The following FRYL variants were observed in gnomAD, a reference collection of about 807,000 sequenced individuals.
The protein encoded by FRYL is protein furry homolog-like.
FRYL carries 150 observed loss-of-function variants against 351.2 expected under a neutral mutation model. The ratio of observed to expected loss-of-function variants is 0.43; its 90% CI spans 0.37 to 0.49. The LOEUF is 0.49. FRYL is among the 20% of genes least tolerant of loss of function. The pLI is 0.00. For synonymous variants in FRYL, 1,153 were observed against 1,257.1 expected, an observed-to-expected ratio of 0.92 and a Z score of 1.75; for missense variants, 3,036 against 3,619.3, an observed-to-expected ratio of 0.84 and a Z score of 4.13.
intron 18 of FRYL, 57 bp downstream of exon 18, chr4:48,589,688 T>C: frequency 6.5e-7 from 1 of 1,547,198 alleles, no homozygotes; most frequent in Non-Finnish European, 8.8e-7. Context: ...GCAAGAACCA[T>C]CCACACTGTC....
intron 3 of FRYL, among the ~76,000 whole-genome samples, chr4:48,654,744 C>A (rs1758461919): frequency 6.6e-6 from 1 of 152,176 alleles, no homozygotes; most frequent in African/African-American, 2.4e-5. Flanking sequence ...AAACAAAATA[C>A]TACACATTTG....
chr4:48,703,167 T>C (rs1766952771), intron 2 of FRYL, among the ~76,000 whole-genome samples: 1 of 152,150 alleles, frequency 6.6e-6, no homozygotes, highest in East Asian at 1.9e-4. Flanking sequence ...AAGGAAGTGA[T>C]ATGAACAGAC....
At chr4:48,737,726 AAT>A (rs1197609580) in intron 1 of FRYL, among the ~76,000 whole-genome samples, 2 of 152,210 alleles carry the variant, frequency 1.3e-5, no homozygotes, top group African/African-American at 4.8e-5. Flanking sequence ...CCTTCAACAA[AAT>A]ATGAGTATAC....
chr4:48,545,050 A>T, intron 42 of FRYL, 146 bp from the exon 43 acceptor site: 1 of 709,098 alleles, frequency 1.4e-6, no homozygotes, highest in Non-Finnish European at 2.2e-6. Context: ...TAGGCACATG[A>T]ATATGTAATG....
chr4:48,544,507 C>T (rs996283175), intron 43 of FRYL, among the ~76,000 whole-genome samples: 1 of 151,954 alleles, frequency 6.6e-6, no homozygotes, highest in Non-Finnish European at 1.5e-5. Context: ...TATATACGTC[C>T]GTTTAATGTA....
intron 3 of FRYL, among the ~76,000 whole-genome samples, chr4:48,678,114 C>T (rs777506675): frequency 4.6e-5 from 7 of 151,976 alleles, no homozygotes; most frequent in Admixed American, 1.3e-4. Context: ...AGGTATTGGC[C>T]GGGTGCGGTG....
At chr4:48,561,404 C>A in intron 33 of FRYL, 64 bp downstream of exon 33, 1 of 1,077,244 alleles carries the variant, frequency 9.3e-7, no homozygotes, top group Non-Finnish European at 1.3e-6. Flanking sequence ...TTATAATTTT[C>A]TAAAAATTGT....
intron 4 of FRYL, among the ~76,000 whole-genome samples, chr4:48,628,463 T>TGTGTGTGTGTGTGTGTGTGTGTG (rs1578418587): frequency 6.6e-6 from 1 of 150,892 alleles, no homozygotes; most frequent in Non-Finnish European, 1.5e-5. Flanking sequence ...TGTGTGTGTG[T>TGTGTGTGTGTGTGTGTGTGTGTG]TTAAAGGTGA....
Position 48,542,239 on chromosome 4 carries a change from A to G in FRYL, c.5593-118T>C, listed in dbSNP as rs1578026535. 9.9e-6 allele frequency: 7 copies of G among 707,362 alleles called. No homozygotes were observed. In the East Asian group the frequency reaches 1.5e-4, roughly 16 times the overall value. 43.8% of individuals were successfully genotyped at this position (707,362 alleles called of 1,614,324 possible). ...CCATGTTATGTTACAAAATGATTAA[A>G]CTCTTGAGCAACATGATCTTGCTGA... On this transcript the variant is annotated intron_variant, in intron 44 of 63. Coordinates refer to ENST00000358350, the MANE Select transcript of FRYL (RefSeq NM_015030.2).
At chr4:48,645,481 CAT>C (rs930637144) in intron 3 of FRYL, among the ~76,000 whole-genome samples, 3 of 152,074 alleles carry the variant, frequency 2.0e-5, no homozygotes, top group African/African-American at 7.2e-5. Flanking sequence ...AATTGGCAAA[CAT>C]ATAAGAATTT....
chr4:48,721,488 C>T (rs1191565087), intron 1 of FRYL, among the ~76,000 whole-genome samples: 1 of 151,458 alleles, frequency 6.6e-6, no homozygotes, highest in Non-Finnish European at 1.5e-5. Context: ...TAGGGAGACC[C>T]CATCTCTATA....
chr4:48,599,966 C>A (rs562712127), intron 13 of FRYL, among the ~76,000 whole-genome samples: 2 of 151,610 alleles, frequency 1.3e-5, no homozygotes, highest in Non-Finnish European at 2.9e-5. Flanking sequence ...AATCAGCCGG[C>A]GGTGGTGGCA....
chr4:48,667,434 G>A (rs767042587), intron 3 of FRYL, among the ~76,000 whole-genome samples: 5 of 149,612 alleles, frequency 3.3e-5, no homozygotes, highest in African/African-American at 4.9e-5. Flanking sequence ...CCACCCCCTC[G>A]CTTTTTTTTT....
chr4:48,724,994 A>T (rs1769924441), intron 1 of FRYL, among the ~76,000 whole-genome samples: 1 of 152,250 alleles, frequency 6.6e-6, no homozygotes, highest in African/African-American at 2.4e-5. Flanking sequence ...GAGAAGCAAT[A>T]TTCAGATGAT....
chr4:48,683,269 G>C (rs1226893164), intron 3 of FRYL, among the ~76,000 whole-genome samples: 2 of 151,826 alleles, frequency 1.3e-5, no homozygotes, highest in Admixed American at 6.6e-5. Flanking sequence ...GGGCCTGTCA[G>C]GGGGTGGGGG....
intron 1 of FRYL, among the ~76,000 whole-genome samples, chr4:48,739,553 C>T (rs911858868): frequency 2.0e-5 from 3 of 151,584 alleles, no homozygotes; most frequent in African/African-American, 7.3e-5. Flanking sequence ...ACCTTAAACT[C>T]ACCACAAAAA....
At chr4:48,629,882 A>G (rs1752616071) in intron 4 of FRYL, among the ~76,000 whole-genome samples, 2 of 152,302 alleles carry the variant, frequency 1.3e-5, no homozygotes, top group Middle Eastern at 3.4e-3. Flanking sequence ...AAGCTTGTTT[A>G]AGAAAGATTT....
At chr4:48,603,476 A>T (rs1312558736) in intron 11 of FRYL, 88 bp from the exon 12 acceptor site, 1 of 867,794 alleles carries the variant, frequency 1.2e-6, no homozygotes, top group Non-Finnish European at 1.8e-6. Context: ...GTAAGGTTTG[A>T]AATTGGTTAA....
At chr4:48,764,738 T>C (rs1774776551) in intron 1 of FRYL, among the ~76,000 whole-genome samples, 1 of 152,184 alleles carries the variant, frequency 6.6e-6, no homozygotes, top group African/African-American at 2.4e-5. Flanking sequence ...TGTTCACGAA[T>C]TGAAAGAATA....
Sources: gnomAD v4.1 joint callset for allele counts (sites outside exome capture counted in the v4.1 genomes callset) on GRCh38, gnomAD v4.1.1 for gene constraint, MANE v1.5 for transcripts, NCBI Gene and HGNC (gene_info 2026-07-23, HGNC 2026-07-21) for gene names.